CLCA4: variants seen among roughly 807,000 people sequenced by gnomAD.
CLCA4 encodes calcium-activated chloride channel regulator 4.
Under a neutral mutation model 78.9 loss-of-function variants are expected in CLCA4, and 69 were observed. The observed-to-expected ratio is 0.87, with a 90% CI of 0.72 to 1.07. The LOEUF is 1.07. Ranked by LOEUF, CLCA4 falls within the 50% of genes least tolerant of loss-of-function variation. The probability of loss-of-function intolerance (pLI) is 0.00; values close to 1 mark genes in which losing one functional copy is unlikely to be tolerated. For missense variants in CLCA4, 1,133 were observed against 1,095.8 expected (o/e 1.03, Z -0.48); for synonymous variants, 362 against 375.8 (o/e 0.96, Z 0.42).
At chr1:86,562,556 T>C (rs1481932704) in intron 3 of CLCA4, among the ~76,000 whole-genome samples, 1 of 150,968 alleles carries the variant, frequency 6.6e-6, no homozygotes, top group African/African-American at 2.4e-5. Flanking sequence ...AGCAAAGACT[T>C]AAAAAAGAAA....
chr1:86,565,334 T>C lies in CLCA4; in HGVS notation c.618T>C (p.Leu206=), dbSNP rs1190797701. The change falls in exon 5 of 14, where the codon CTT becomes CTC. Residue 206 remains leucine, a synonymous_variant. Coordinates refer to ENST00000370563, the MANE Select transcript of CLCA4 (RefSeq NM_012128.4). ...ATAAGTGTCAAGGAGGCAGCTGTCTTAGTAGAGCATGCAGAATTGATTCTA... is the reference window on the plus strand; with the variant it reads ...ATAAGTGTCAAGGAGGCAGCTGTCTCAGTAGAGCATGCAGAATTGATTCTA... ...RVYKCQGGSC[L]SRACRIDSTT... The C allele has an allele frequency of 6.2e-7, 1 of 1,610,608 alleles. No homozygotes were observed. Among genetic ancestry groups the C allele is most frequent in the East Asian group, 2.2e-5 (1 of 44,762 alleles).
At chr1:86,553,439 G>A (rs770040034) in intron 1 of CLCA4, 1 of 372,122 alleles carries the variant, frequency 2.7e-6, no homozygotes, top group East Asian at 5.0e-5. Flanking sequence ...CTCTATTCCA[G>A]CAAGCTGTCG....
At chr1:86,573,968 A>G (rs962569269) in intron 9 of CLCA4, among the ~76,000 whole-genome samples, 1 of 152,100 alleles carries the variant, frequency 6.6e-6, no homozygotes, top group East Asian at 1.9e-4. Flanking sequence ...GGTAATGCCT[A>G]TGTTAATCTA....
intron 4 of CLCA4, among the ~76,000 whole-genome samples, chr1:86,564,847 C>T (rs538817549): frequency 1.3e-5 from 2 of 152,200 alleles, no homozygotes; most frequent in Admixed American, 1.3e-4. Context: ...TTGTGTCTAT[C>T]CCATGTACTA....
At chr1:86,576,142 T>C (rs1457641774) in intron 11 of CLCA4, among the ~76,000 whole-genome samples, 1 of 151,698 alleles carries the variant, frequency 6.6e-6, no homozygotes, top group Non-Finnish European at 1.5e-5. Context: ...ACGTTTTTGG[T>C]TGTTGAATTT....
Position 86,560,241 on chromosome 1 carries a change from C to G in CLCA4, c.331C>G (p.Pro111Ala). The G allele has an allele frequency of 6.2e-7, 1 of 1,613,682 alleles. No individual in the cohort carries two copies. Among genetic ancestry groups the G allele is most frequent in the Non-Finnish European group, 8.5e-7 (1 of 1,179,848 alleles). ...TGTTATAGTTGCACCACCTACACTC[C>G]CAGGTAGAGATGAACCATACACCAA... is the stretch of plus-strand genomic sequence containing the variant. The part of the protein sequence containing the change: ...ADVIVAPPTL[P>A]GRDEPYTKQF... The change falls in exon 3 of 14, where the codon CCA becomes GCA. Residue 111 changes from proline to alanine, a missense_variant. Pro to Ala is a conservative substitution (Grantham distance 27). Transcript: ENST00000370563.
chr1:86,551,096 G>C (rs1649648352), intron 1 of CLCA4, among the ~76,000 whole-genome samples: 1 of 152,028 alleles, frequency 6.6e-6, no homozygotes, highest in African/African-American at 2.4e-5. Context: ...CTCCCAAAGT[G>C]CTGGGATTAC....
chr1:86,570,887 G>A (rs986567956), intron 7 of CLCA4, among the ~76,000 whole-genome samples, 190 bp from the exon 8 acceptor site: 2 of 152,004 alleles, frequency 1.3e-5, no homozygotes, highest in African/African-American at 4.8e-5. Context: ...CTGCAGCTGG[G>A]AGTTAAAAAA....
At chr1:86,557,373 G>C (rs1048470440) in intron 1 of CLCA4, among the ~76,000 whole-genome samples, 4 of 152,102 alleles carry the variant, frequency 2.6e-5, no homozygotes, top group African/African-American at 9.7e-5. Context: ...TCTTAAAACT[G>C]TCTTAGCTGT....
chr1:86,567,373 T>C, intron 6 of CLCA4, 51 bp from the exon 7 acceptor site: 1 of 1,434,644 alleles, frequency 7.0e-7, no homozygotes, highest in Non-Finnish European at 9.6e-7. Flanking sequence ...TGATCTTCTA[T>C]TATTTTCCAG....
intron 7 of CLCA4, 97 bp from the exon 8 acceptor site, chr1:86,570,980 C>T (rs1352399161): frequency 4.7e-6 from 4 of 853,396 alleles, no homozygotes; most frequent in Non-Finnish European, 5.5e-6. Flanking sequence ...TTCTGCATAA[C>T]TTTGTTTATT....
At chr1:86,565,094 T>TA (rs1055894638) in intron 4 of CLCA4, among the ~76,000 whole-genome samples, 180 bp from the exon 5 acceptor site, 85 of 152,160 alleles carry the variant, frequency 5.6e-4, no homozygotes, top group African/African-American at 2.0e-3. Context: ...TAGAATTTCT[T>TA]AAAAAATAGA....
chr1:86,559,343 C>T (rs1211593427), intron 1 of CLCA4, among the ~76,000 whole-genome samples: 1 of 152,132 alleles, frequency 6.6e-6, no homozygotes, highest in Non-Finnish European at 1.5e-5. Flanking sequence ...GCTGCTTCTC[C>T]TAAGGTTGGG....
intron 1 of CLCA4, among the ~76,000 whole-genome samples, chr1:86,555,905 A>G (rs1649826952): frequency 6.6e-6 from 1 of 152,134 alleles, no homozygotes; most frequent in African/African-American, 2.4e-5. Flanking sequence ...TTCTCATTGT[A>G]GGAATGTTTC....
chr1:86,570,712 G>A (rs1427708067), intron 7 of CLCA4, among the ~76,000 whole-genome samples: 1 of 152,022 alleles, frequency 6.6e-6, no homozygotes, highest in Non-Finnish European at 1.5e-5. Context: ...CTGTCAGAAG[G>A]TAGTCCAGTC....
intron 1 of CLCA4, chr1:86,553,211 C>G: frequency 8.5e-7 from 1 of 1,173,064 alleles, no homozygotes; most frequent in East Asian, 2.3e-5. Flanking sequence ...AAAGCTGCAG[C>G]TTCACCAGGG....
rs558041124 is a variant in CLCA4, at chr1:86,554,547, G to C, written c.160-5385G>C. ...CCCAAGGTGCTGGGATTACAGGTGT[G>C]AGCCACCATGCCCGGCCCTGTACCA... On this transcript the variant is annotated intron_variant, in intron 1 of 13. Coordinates refer to ENST00000370563, the MANE Select transcript of CLCA4 (RefSeq NM_012128.4). Among the ~76,000 whole-genome samples the C allele has an allele frequency of 5.9e-5, 9 of 152,262 alleles. No homozygotes were observed. The East Asian group carries it at 1.7e-3, about 29-fold the overall frequency.
chr1:86,551,124 C>A (rs1270700981), intron 1 of CLCA4, among the ~76,000 whole-genome samples: 1 of 152,090 alleles, frequency 6.6e-6, no homozygotes, highest in Admixed American at 6.5e-5. Context: ...AGCCACCGCA[C>A]CCAGCCTCTT....
intron 1 of CLCA4, among the ~76,000 whole-genome samples, chr1:86,557,641 T>C (rs1021439793): frequency 1.3e-5 from 2 of 152,170 alleles, no homozygotes; most frequent in Non-Finnish European, 2.9e-5. Context: ...AATTATGTGG[T>C]TGAGTTTAGA....
Sources: allele counts gnomAD v4.1 joint callset (sites outside exome capture counted in the v4.1 genomes callset), GRCh38; gene constraint gnomAD v4.1.1; transcripts MANE v1.5; gene names NCBI Gene and HGNC (gene_info 2026-07-23, HGNC 2026-07-21).